The following CACNA1C variants were observed in gnomAD, a reference collection of about 807,000 sequenced individuals.
CACNA1C encodes the protein voltage-dependent L-type calcium channel subunit alpha-1C.
In CACNA1C, 30 loss-of-function variants were observed where a neutral mutation model predicts 229.0. The ratio of observed to expected loss-of-function variants is 0.13; its 90% CI spans 0.10 to 0.18. The LOEUF (loss-of-function observed/expected upper bound fraction) is 0.18, where lower values mean the gene tolerates loss of function less well. Among genes scored for constraint, CACNA1C ranks in the 10% least tolerant of loss-of-function variants. CACNA1C has a pLI of 1.00. For synonymous variants in CACNA1C, 1,114 were observed against 1,132.5 expected (o/e 0.98, Z 0.33); for missense variants, 1,658 against 2,845.0 (o/e 0.58, Z 9.49).
At chr12:2,090,062 C>T (rs2069924020) in intron 1 of CACNA1C, among the ~76,000 whole-genome samples, 1 of 152,026 alleles carries the variant, frequency 6.6e-6, no homozygotes, top group African/African-American at 2.4e-5. Flanking sequence ...ATTGTAACTA[C>T]ACACCCATTA....
rs1240341429 is a variant in CACNA1C, at chr12:2,459,161, TTG to T, written c.757+1463_757+1464del. Among the ~76,000 whole-genome samples, 947 of 109,968 alleles carry T rather than the reference TTG, an allele frequency of 8.6e-3. 14 individuals are homozygous for T. The highest frequency in any genetic ancestry group is 0.034 in the African/African-American group (863 of 25,712). 72.1% of individuals were successfully genotyped at this position (109,968 alleles called of 152,430 possible). On this transcript the variant is annotated intron_variant, in intron 5 of 46. Coordinates refer to ENST00000399655, the MANE Select transcript of CACNA1C (RefSeq NM_000719.7). ...CCATGCCCAGCTAATTTTTGTTTTT[TTG>T]TGTGTGTTTTTTTTTTTTTTTTTTT...
chr12:2,401,243 C>T (rs751446576), intron 3 of CACNA1C, among the ~76,000 whole-genome samples: 13 of 152,212 alleles, frequency 8.5e-5, no homozygotes, highest in Non-Finnish European at 1.8e-4. Context: ...TGTCCCCTGC[C>T]CCCTGCCCAG....
At chr12:2,318,004 G>A (rs965858834) in intron 3 of CACNA1C, among the ~76,000 whole-genome samples, 4 of 152,174 alleles carry the variant, frequency 2.6e-5, no homozygotes, top group Admixed American at 6.5e-5. Context: ...GCCTTCTGCC[G>A]GTGCTCAGAG....
At chr12:2,413,134 A>G (rs1457482717) in intron 3 of CACNA1C, among the ~76,000 whole-genome samples, 2 of 152,086 alleles carry the variant, frequency 1.3e-5, no homozygotes, top group African/African-American at 4.8e-5. Context: ...TCTCCTGCCT[A>G]AACTTCCCAC....
intron 3 of CACNA1C, among the ~76,000 whole-genome samples, chr12:2,302,965 G>C (rs558545341): frequency 6.6e-6 from 1 of 152,216 alleles, no homozygotes; most frequent in Non-Finnish European, 1.5e-5. Flanking sequence ...CCCCGGGAGG[G>C]GGGCCTGGTA....
Position 2,410,466 on chromosome 12 carries a change from A to G in CACNA1C, c.478-38510A>G, listed in dbSNP as rs545968398. Reference sequence around the variant, plus strand: ...ATATAGTTTTCGTTTTCAAAGGACCATGATTTCCATGGATTACTTTGTGCA... The same window carrying G: ...ATATAGTTTTCGTTTTCAAAGGACCGTGATTTCCATGGATTACTTTGTGCA... On this transcript the variant is annotated intron_variant, in intron 3 of 46. Coordinates refer to ENST00000399655, the MANE Select transcript of CACNA1C (RefSeq NM_000719.7). This position sits in a 1 kb window ranked among gnomAD's most constrained non-coding sequence, Gnocchi z 5.3. 2.6e-4 allele frequency among the ~76,000 whole-genome samples: 39 copies of G among 152,364 alleles called. No homozygotes were observed. The highest frequency in any genetic ancestry group is 7.7e-4 in the African/African-American group (32 of 41,590).
At chr12:2,547,184 C>G (rs1203280634) in intron 9 of CACNA1C, among the ~76,000 whole-genome samples, 1 of 152,206 alleles carries the variant, frequency 6.6e-6, no homozygotes, top group Non-Finnish European at 1.5e-5. Flanking sequence ...GATAGCCTCT[C>G]TCTCCTGGAG....
intron 13 of CACNA1C, among the ~76,000 whole-genome samples, chr12:2,576,791 G>GA (rs1459113721): frequency 6.6e-6 from 1 of 151,988 alleles, no homozygotes; most frequent in East Asian, 1.9e-4. Flanking sequence ...CTGCCACCTG[G>GA]ACACCTCCAA....
chr12:2,250,039 A>C (rs2075020734), intron 3 of CACNA1C, among the ~76,000 whole-genome samples: 1 of 151,574 alleles, frequency 6.6e-6, no homozygotes. Context: ...CGATCTCCTG[A>C]CCTCGTGATC....
chr12:2,188,644 C>T (rs1431355747), intron 3 of CACNA1C, among the ~76,000 whole-genome samples: 1 of 152,074 alleles, frequency 6.6e-6, no homozygotes, highest in Admixed American at 6.5e-5. Context: ...AATTGATATT[C>T]GGTTTTTAGG....
At chr12:2,056,796 T>A (rs2055122803) in intron 1 of CACNA1C, among the ~76,000 whole-genome samples, 1 of 152,188 alleles carries the variant, frequency 6.6e-6, no homozygotes. Flanking sequence ...TCAGGCACTT[T>A]TTAGTGTTTT....
At chr12:2,481,423 C>T (rs928589059) in intron 5 of CACNA1C, among the ~76,000 whole-genome samples, 4 of 152,220 alleles carry the variant, frequency 2.6e-5, no homozygotes, top group Non-Finnish European at 5.9e-5. Context: ...CTTTCCTAAC[C>T]GGAATTGTCA....
chr12:2,341,308 C>T (rs1331485783), intron 3 of CACNA1C, among the ~76,000 whole-genome samples: 6 of 152,216 alleles, frequency 3.9e-5, no homozygotes, highest in Non-Finnish European at 8.8e-5. Context: ...GCGAGCTTGG[C>T]ACTTGGTCAT....
intron 3 of CACNA1C, among the ~76,000 whole-genome samples, chr12:2,435,733 A>G (rs2099128065): frequency 6.6e-6 from 1 of 152,210 alleles, no homozygotes; most frequent in Admixed American, 6.5e-5. Flanking sequence ...TCTACTCTGG[A>G]GGACTCTGTG....
At position 2,107,723 on chromosome 12, in the gene CACNA1C, C is replaced by G. The variant is rs188901029; in HGVS notation, c.50-7501C>G. Among the ~76,000 whole-genome samples the G allele has an allele frequency of 4.4e-3, 677 of 152,330 alleles. 3 individuals are homozygous for G. Among genetic ancestry groups the G allele is most frequent in the Middle Eastern group, 0.024 (7 of 294 alleles). ...ACTCTCTTATGCTTTGAAAATATGT[C>G]TTTTTGCATAGGGTGGTTAATTCTT... is the stretch of plus-strand genomic sequence containing the variant. On this transcript the variant is annotated intron_variant, in intron 1 of 46. Transcript: ENST00000399655.
intron 34 of CACNA1C, 102 bp from the exon 35 acceptor site, chr12:2,664,723 C>A: frequency 2.2e-6 from 2 of 915,846 alleles, no homozygotes; most frequent in Non-Finnish European, 3.1e-6. Context: ...TTAGTAACTC[C>A]CTCTGGGGAA....
Position 2,605,273 on chromosome 12 carries a change from G to T in CACNA1C, c.3048+105G>T. 1.3e-6 allele frequency: 1 copy of T among 766,826 alleles called. No individual in the cohort carries two copies. Among genetic ancestry groups the T allele is most frequent in the Non-Finnish European group, 2.3e-6 (1 of 443,528 alleles). The allele number at this position is 766,826 out of a possible 1,614,324, so 47.5% of individuals were successfully genotyped here. A position where few individuals can be genotyped will look rare whatever the true frequency, so the allele number is the denominator to read the frequency against. ...GAAGGAGATGATGGTCAGACCAAGT[G>T]GCTGCCATGTGGGGTCCCGGACACT... On this transcript the variant is annotated intron_variant, in intron 23 of 46. Coordinates refer to ENST00000399655, the MANE Select transcript of CACNA1C (RefSeq NM_000719.7). This position sits in a 1 kb window ranked among gnomAD's most constrained non-coding sequence, Gnocchi z 6.2.
At chr12:2,339,906 T>C (rs950506713) in intron 3 of CACNA1C, among the ~76,000 whole-genome samples, 2 of 152,270 alleles carry the variant, frequency 1.3e-5, no homozygotes, top group African/African-American at 4.8e-5. Context: ...TACTCTCTTT[T>C]ATGTGTATAT....
chr12:2,255,268 G>GAAA (rs746929189), intron 3 of CACNA1C, among the ~76,000 whole-genome samples: 7 of 95,654 alleles, frequency 7.3e-5, no homozygotes, highest in Non-Finnish European at 8.8e-5. Context: ...TTCTGCTGCA[G>GAAA]AAAAAAAAAA....
Sources: gnomAD v4.1 joint callset for allele counts (sites outside exome capture counted in the v4.1 genomes callset) on GRCh38, gnomAD v4.1.1 for gene constraint, Gnocchi (gnomAD v3.1) non-coding constraint, MANE v1.5 for transcripts, NCBI Gene and HGNC (gene_info 2026-07-23, HGNC 2026-07-21) for gene names.